The following ZFHX4 variants were observed in gnomAD, a reference collection of about 807,000 sequenced individuals.
The protein encoded by ZFHX4 is zinc finger homeobox protein 4.
Under a neutral mutation model 267.6 loss-of-function variants are expected in ZFHX4, and 56 were observed. The observed-to-expected ratio is 0.21, with a 90% CI of 0.17 to 0.26. The LOEUF (loss-of-function observed/expected upper bound fraction) is 0.26. Among genes scored for constraint, ZFHX4 ranks in the 10% least tolerant of loss-of-function variants. The pLI is 1.00. For synonymous variants in ZFHX4, 1,778 were observed against 1,665.6 expected (o/e 1.07, Z -1.64); for missense variants, 4,332 against 4,420.0 (o/e 0.98, Z 0.56).
intron 4 of ZFHX4, among the ~76,000 whole-genome samples, chr8:76,779,211 TA>T (rs1430087611): frequency 6.6e-6 from 1 of 152,180 alleles, no homozygotes; most frequent in African/African-American, 2.4e-5. Context: ...TTTGGGTGCA[TA>T]AAAAAGCCTA....
At chr8:76,732,258 T>C (rs1809040567) in intron 3 of ZFHX4, among the ~76,000 whole-genome samples, 1 of 152,132 alleles carries the variant, frequency 6.6e-6, no homozygotes, top group Non-Finnish European at 1.5e-5. Flanking sequence ...CAGTGTATAA[T>C]TATGTATGTC....
At position 76,864,053 on chromosome 8, in the gene ZFHX4, T is replaced by C. The variant is rs1554577290; in HGVS notation, c.10339T>C (p.Tyr3447His). ...ETVLRVPVSK[Y>H]QCLACDVAIS... ...AGTGCTTCGTGTCCCAGTCAGCAAA[T>C]ATCAGTGTCTTGCCTGTGATGTGGC... The change falls in exon 11 of 11, where the codon TAT becomes CAT. Residue 3447 changes from tyrosine to histidine, a missense_variant. By Grantham distance (83) the Tyr-to-His change is moderately conservative (BLOSUM62 2). Coordinates refer to ENST00000651372, the MANE Select transcript of ZFHX4 (RefSeq NM_024721.5). 1 of 1,613,860 alleles carries C rather than the reference T, an allele frequency of 6.2e-7. No homozygotes were observed. The highest frequency in any genetic ancestry group is 8.5e-7 in the Non-Finnish European group (1 of 1,179,862).
chr8:76,861,690 GT>G (rs1217509034), intron 10 of ZFHX4, among the ~76,000 whole-genome samples: 2 of 151,736 alleles, frequency 1.3e-5, no homozygotes, highest in Non-Finnish European at 2.9e-5. Flanking sequence ...AACTATGGAG[GT>G]TTTTTATTTT....
intron 4 of ZFHX4, among the ~76,000 whole-genome samples, chr8:76,792,299 G>A (rs1810858365): frequency 6.6e-6 from 1 of 152,116 alleles, no homozygotes. Context: ...ACAGATTTGT[G>A]CAAACAAACT....
intron 4 of ZFHX4, among the ~76,000 whole-genome samples, chr8:76,802,740 T>C (rs1027111871): frequency 2.6e-5 from 4 of 152,206 alleles, no homozygotes; most frequent in African/African-American, 9.6e-5. Context: ...TGCAGTACTT[T>C]GGATTCAAGA....
intron 4 of ZFHX4, among the ~76,000 whole-genome samples, chr8:76,822,452 CT>C (rs5892566): frequency 0.016 from 1,834 of 116,066 alleles, 8 homozygotes; most frequent in African/African-American, 0.053. Flanking sequence ...GTGTCTACCT[CT>C]TTTTTTTTTT....
intron 4 of ZFHX4, among the ~76,000 whole-genome samples, chr8:76,829,685 T>A (rs1255231229): frequency 6.6e-6 from 1 of 152,074 alleles, no homozygotes; most frequent in African/African-American, 2.4e-5. Flanking sequence ...AGTGCGTGGC[T>A]ATAATCCCAG....
At chr8:76,771,164 A>G (rs1049704661) in intron 3 of ZFHX4, among the ~76,000 whole-genome samples, 2 of 152,146 alleles carry the variant, frequency 1.3e-5, no homozygotes, top group African/African-American at 4.8e-5. Flanking sequence ...GGCATACTCA[A>G]ATAGCATCTT....
chr8:76,854,431 A>T lies in ZFHX4; in HGVS notation c.7510A>T (p.Thr2504Ser). The T allele has an allele frequency of 6.2e-7, 1 of 1,613,802 alleles. No homozygotes were observed. Among genetic ancestry groups the T allele is most frequent in the Non-Finnish European group, 8.5e-7 (1 of 1,179,826 alleles). ...QCDQCTVAFPTLELWQEHQHM... is the reference protein window; with the variant it reads ...QCDQCTVAFPSLELWQEHQHM... ...TGATCAGTGTACAGTTGCCTTCCCAACTCTGGAACTCTGGCAGGAACACCA... is the reference window on the plus strand; with the variant it reads ...TGATCAGTGTACAGTTGCCTTCCCATCTCTGGAACTCTGGCAGGAACACCA... The change falls in exon 10 of 11, where the codon ACT (threonine) becomes TCT (serine). Residue 2504 changes from threonine to serine, a missense_variant. Thr to Ser is a moderately conservative substitution (Grantham distance 58). This residue lies in a region of ZFHX4 where 1,648 missense variants were observed against 1,625.0 expected (regional missense o/e 1.01). Transcript: ENST00000651372.
chr8:76,839,340 G>C (rs1294486069), intron 5 of ZFHX4, among the ~76,000 whole-genome samples: 1 of 152,022 alleles, frequency 6.6e-6, no homozygotes, highest in Non-Finnish European at 1.5e-5. Flanking sequence ...AAAAATGCTA[G>C]GGGAAGTTTG....
chr8:76,708,954 A>G (rs1264859620), intron 3 of ZFHX4, among the ~76,000 whole-genome samples: 2 of 152,186 alleles, frequency 1.3e-5, no homozygotes, highest in African/African-American at 2.4e-5. Context: ...AATATTGCAA[A>G]CCATTAGTCA....
chr8:76,717,544 G>A lies in ZFHX4; in HGVS notation c.3093+9496G>A, dbSNP rs541253414. Among the ~76,000 whole-genome samples the A allele has an allele frequency of 1.1e-4, 17 of 152,310 alleles. No individual in the cohort carries two copies. In the South Asian group the frequency reaches 2.9e-3, roughly 26 times the overall value. ...GCATAACAGAATTGTTAACAGCATGGAAACTCGCAATAACTATGGTTGATG... is the reference window on the plus strand; with the variant it reads ...GCATAACAGAATTGTTAACAGCATGAAAACTCGCAATAACTATGGTTGATG... On this transcript the variant is annotated intron_variant, in intron 3 of 10. Transcript: ENST00000651372.
intron 4 of ZFHX4, among the ~76,000 whole-genome samples, chr8:76,791,288 G>A: frequency 6.6e-6 from 1 of 152,134 alleles, no homozygotes. Flanking sequence ...TGGCCACTTT[G>A]GGTGTCTGTT....
chr8:76,726,154 GT>G (rs537144263), intron 3 of ZFHX4, among the ~76,000 whole-genome samples: 78 of 147,256 alleles, frequency 5.3e-4, no homozygotes, highest in Admixed American at 3.8e-3. Context: ...TTTTAAATAA[GT>G]TTTTTTTTTG....
chr8:76,741,561 T>A (rs1429416404), intron 3 of ZFHX4, among the ~76,000 whole-genome samples: 1 of 152,112 alleles, frequency 6.6e-6, no homozygotes, highest in Non-Finnish European at 1.5e-5. Flanking sequence ...TGCATTTGTG[T>A]GGGCCAAGAC....
chr8:76,796,340 AGAT>A (rs1435177932), intron 4 of ZFHX4, among the ~76,000 whole-genome samples: 3 of 152,238 alleles, frequency 2.0e-5, no homozygotes, highest in Admixed American at 1.3e-4. Context: ...ATGTAGAGAT[AGAT>A]GCTAACACTT....
intron 4 of ZFHX4, among the ~76,000 whole-genome samples, chr8:76,818,322 T>G (rs1811558752): frequency 6.6e-6 from 1 of 152,178 alleles, no homozygotes; most frequent in Non-Finnish European, 1.5e-5. Context: ...AGACAATTGA[T>G]AAGACTGCGG....
intron 3 of ZFHX4, among the ~76,000 whole-genome samples, chr8:76,726,877 A>ATTT (rs1156548482): frequency 3.9e-5 from 6 of 152,212 alleles, no homozygotes; most frequent in Admixed American, 2.6e-4. Flanking sequence ...AGTTGGGCAT[A>ATTT]TAAAGGCCCT....
At position 76,705,573 on chromosome 8, in the gene ZFHX4, T is replaced by C. The variant is rs762944191; in HGVS notation, c.1485T>C (p.Ile495=). 4.3e-6 allele frequency: 7 copies of C among 1,613,690 alleles called. No homozygotes were observed. The South Asian group carries it at 7.7e-5, about 18-fold the overall frequency. ...TATTAGGTGAACTCACCGATAGTAT[T>C]GGTAACAAAGATTTCCCTCTCTTAA... ...EEVLGELTDS[I]GNKDFPLLNQ... is the part of the protein sequence containing the mutation. Residue 495 remains isoleucine (I), a synonymous_variant, in exon 2 of 11, where the codon ATT becomes ATC. Coordinates refer to ENST00000651372, the MANE Select transcript of ZFHX4 (RefSeq NM_024721.5).
Sources: allele counts gnomAD v4.1 joint callset (sites outside exome capture counted in the v4.1 genomes callset), GRCh38; gene constraint gnomAD v4.1.1; regional missense constraint gnomAD v4.1.1; transcripts MANE v1.5; gene names NCBI Gene and HGNC (gene_info 2026-07-23, HGNC 2026-07-21).